HCN2: variants seen among roughly 807,000 people sequenced by gnomAD.
HCN2 encodes potassium/sodium hyperpolarization-activated cyclic nucleotide-gated channel 2.
In HCN2, 20 loss-of-function variants were observed where a neutral mutation model predicts 52.3. The observed-to-expected ratio is 0.38, with a 90% CI of 0.27 to 0.56. The LOEUF (loss-of-function observed/expected upper bound fraction) is 0.56. Among genes scored for constraint, HCN2 ranks in the 20% least tolerant of loss-of-function variants. HCN2 has a pLI of 0.71. For synonymous variants in HCN2, 694 were observed against 537.0 expected, an observed-to-expected ratio of 1.29 and a Z score of -4.04; for missense variants, 981 against 1,207.7, an observed-to-expected ratio of 0.81 and a Z score of 2.78.
intron 5 of HCN2, among the ~76,000 whole-genome samples, chr19:612,236 A>G (rs1003825268): frequency 6.6e-6 from 1 of 152,110 alleles, no homozygotes; most frequent in Non-Finnish European, 1.5e-5. Context: ...ACCACCACAC[A>G]GAACGAAGCT....
chr19:603,826 C>T lies in HCN2; in HGVS notation c.915C>T (p.Phe305=), dbSNP rs56170955. The change falls in exon 2 of 8, where the codon TTC becomes TTT. Residue 305 remains phenylalanine, a synonymous_variant. Coordinates refer to ENST00000251287, the MANE Select transcript of HCN2 (RefSeq NM_001194.4). The stretch of plus-strand genomic sequence containing the variant: ...CCTCCATCCCCGTGGACTACATCTT[C>T]CTTATCGTGGAGAAGGGCATTGACT... ...FVSSIPVDYI[F]LIVEKGIDSE... is the part of the protein sequence containing the mutation. 0.13 allele frequency: 214,270 copies of T among 1,612,374 alleles called. 19,233 individuals are homozygous for T. Among genetic ancestry groups the T allele is most frequent in the South Asian group, 0.37 (33,682 of 91,040 alleles).
rs539670925 is a variant in HCN2 at position 591,705 on chromosome 19, C to T, written c.632+1128C>T. 6.6e-6 allele frequency among the ~76,000 whole-genome samples: 1 copy of T among 152,238 alleles called. No homozygotes were observed. The highest frequency in any genetic ancestry group is 2.4e-5 in the African/African-American group (1 of 41,562). On this transcript the variant is annotated intron_variant, in intron 1 of 7. Coordinates refer to ENST00000251287, the MANE Select transcript of HCN2 (RefSeq NM_001194.4). The surrounding 1 kb of genome is among the most constrained non-coding windows in gnomAD (Gnocchi z 4.1). ...CGGACAGCGCGCCGGACCTGGGAAG[C>T]CTGCGGTTTTCCCGCCTGTCTCTCC...
In HCN2 at chr19:603,469, G is replaced by A. The variant is rs1259645555; in HGVS notation, c.633-75G>A. On this transcript the variant is annotated intron_variant, in intron 1 of 7. Coordinates refer to ENST00000251287, the MANE Select transcript of HCN2 (RefSeq NM_001194.4). ...GTGTGGGCGCCCCTCGTCCCCCAAG[G>A]AAGAGTGCCCGGGGCTGGTCCCGCA... 8.9e-6 allele frequency: 11 copies of A among 1,239,480 alleles called. No homozygotes were observed. In the Admixed American group the frequency reaches 2.4e-4, roughly 27 times the overall value. 76.8% of individuals were successfully genotyped at this position (1,239,480 alleles called of 1,614,324 possible). A position where few individuals can be genotyped will look rare whatever the true frequency, so the allele number is the denominator to read the frequency against.
At chr19:610,170 G>C (rs1457519761) in intron 4 of HCN2, 89 bp from the exon 5 acceptor site, 4 of 1,490,396 alleles carry the variant, frequency 2.7e-6, no homozygotes, top group Non-Finnish European at 3.7e-6. Context: ...GTCTGACCCA[G>C]CCTCGCCTCC....
chr19:606,546 C>T (rs894070504), intron 3 of HCN2, among the ~76,000 whole-genome samples: 3 of 151,792 alleles, frequency 2.0e-5, no homozygotes, highest in East Asian at 1.9e-4. Context: ...AAAGTGGTAT[C>T]ACCATGCCAA....
chr19:609,686 A>G (rs1983541713), intron 4 of HCN2, among the ~76,000 whole-genome samples: 1 of 152,182 alleles, frequency 6.6e-6, no homozygotes, highest in African/African-American at 2.4e-5. Context: ...GGATCCCTTG[A>G]GCCCAGGAGT....
Position 610,249 on chromosome 19 carries a change from C to T in HCN2, c.1438-10C>T, listed in dbSNP as rs768182619. 27 of 1,612,858 alleles carry T rather than the reference C, an allele frequency of 1.7e-5. 1 individual carries two copies. The highest frequency in any genetic ancestry group is 3.4e-4 in the Middle Eastern group (2 of 5,866). ...GCGGTGTCTGACCCAGCCTCGCCTC[C>T]TCCCCACAGTACAAGCAGGTGGAGC... On this transcript the variant is annotated splice_polypyrimidine_tract_variant and intron_variant, in intron 4 of 7. Transcript: ENST00000251287.
chr19:596,503 G>C (rs1360630587), intron 1 of HCN2, among the ~76,000 whole-genome samples: 5 of 152,248 alleles, frequency 3.3e-5, no homozygotes, highest in African/African-American at 9.6e-5. Flanking sequence ...AAAGTGGCAG[G>C]ACCCCCGCGT....
intron 3 of HCN2, 68 bp downstream of exon 3, chr19:605,290 CT>C: frequency 6.8e-7 from 1 of 1,468,948 alleles, no homozygotes; most frequent in South Asian, 1.2e-5. Context: ...CCCAGGCCCC[CT>C]TATCCCGCTT....
Position 590,199 on chromosome 19 carries a change from C to A in HCN2, c.254C>A (p.Pro85His). 1 of 983,074 alleles carries A rather than the reference C, an allele frequency of 1.0e-6. No homozygotes were observed. Among genetic ancestry groups the A allele is most frequent in the Non-Finnish European group, 1.2e-6 (1 of 830,488 alleles). The allele number at this position is 983,074 out of a possible 1,614,324, so 60.9% of individuals were successfully genotyped here. Residue 85 changes from proline to histidine, a missense_variant, in exon 1 of 8, where the codon CCC (proline) becomes CAC (histidine). Pro to His is a moderately conservative substitution (Grantham distance 77, BLOSUM62 -2). Transcript: ENST00000251287. The surrounding 1 kb of genome is among the most constrained non-coding windows in gnomAD (Gnocchi z 7.2). ...LRSRDSSCGR[P>H]GTPGAASTAK... is the part of the protein sequence containing the mutation. ...AGCCGCGACAGCTCGTGCGGCCGCC[C>A]CGGCACCCCGGGCGCGGCGAGCACG... is the stretch of plus-strand genomic sequence containing the variant.
chr19:605,238 C>T lies in HCN2; in HGVS notation c.1218+16C>T, dbSNP rs1026318659. 2 of 1,608,542 alleles carry T rather than the reference C, an allele frequency of 1.2e-6. 1 individual carries two copies. The highest frequency in any genetic ancestry group is 2.2e-5 in the South Asian group (2 of 90,922). On this transcript the variant is annotated intron_variant, in intron 3 of 7. Coordinates refer to ENST00000251287, the MANE Select transcript of HCN2 (RefSeq NM_001194.4). ...TGGCATGGTGGTGAGCGCCGCGGGCCCTGACGGAGGGGGAGACGCAGGCTC... is the reference window on the plus strand; with the variant it reads ...TGGCATGGTGGTGAGCGCCGCGGGCTCTGACGGAGGGGGAGACGCAGGCTC...
At chr19:615,594 C>G (rs1983864328) in intron 7 of HCN2, among the ~76,000 whole-genome samples, 2 of 152,222 alleles carry the variant, frequency 1.3e-5, no homozygotes, top group South Asian at 4.1e-4. Flanking sequence ...GGTGCTCAGC[C>G]TGTATATGGC....
intron 1 of HCN2, among the ~76,000 whole-genome samples, chr19:600,943 C>T (rs1453091350): frequency 6.6e-6 from 1 of 152,200 alleles, no homozygotes. Context: ...CACTTCTCAC[C>T]CCTCCAACCC....
chr19:607,824 C>T (rs1983471873), intron 3 of HCN2, 140 bp from the exon 4 acceptor site: 2 of 636,250 alleles, frequency 3.1e-6, no homozygotes, highest in East Asian at 2.7e-5. Flanking sequence ...CCTGGGTCTC[C>T]ATTTCTCTTG....
chr19:609,792 T>G (rs1568366375), intron 4 of HCN2, among the ~76,000 whole-genome samples: 1 of 152,098 alleles, frequency 6.6e-6, no homozygotes, highest in Non-Finnish European at 1.5e-5. Flanking sequence ...TCCCTGCTAC[T>G]CAGGAGGCTG....
chr19:617,111 T>TA lies in HCN2; in HGVS notation c.*639dup, dbSNP rs1984004205. Reference sequence around the variant, plus strand: ...CCCACCGTGGCCCCCCACGCCCCATTAACCCCCACACCCCCATTCCGCGCA... The same window carrying TA: ...CCCACCGTGGCCCCCCACGCCCCATTAAACCCCCACACCCCCATTCCGCGCA... On this transcript the variant is annotated 3_prime_UTR_variant, in exon 8 of 8. Coordinates refer to ENST00000251287, the MANE Select transcript of HCN2 (RefSeq NM_001194.4). 1 of 388,716 alleles carries TA rather than the reference T, an allele frequency of 2.6e-6. No homozygotes were observed. The highest frequency in any genetic ancestry group is 4.9e-6 in the Non-Finnish European group (1 of 202,418). 24.1% of individuals were successfully genotyped at this position (388,716 alleles called of 1,614,324 possible).
intron 2 of HCN2, among the ~76,000 whole-genome samples, chr19:604,853 G>A (rs1335812571): frequency 3.0e-4 from 11 of 36,376 alleles, no homozygotes; most frequent in African/African-American, 1.7e-3. Flanking sequence ...AGGCTGTAGA[G>A]GTGGGCGGGG....
chr19:598,271 G>A (rs550740045), intron 1 of HCN2, among the ~76,000 whole-genome samples: 14 of 152,042 alleles, frequency 9.2e-5, no homozygotes, highest in African/African-American at 3.4e-4. Context: ...CACCCTTCAA[G>A]CTTGTGAGGG....
Position 592,082 on chromosome 19 carries a change from G to C in HCN2, c.632+1505G>C, listed in dbSNP as rs1982890514. Among the ~76,000 whole-genome samples, 1 of 152,204 alleles carries C rather than the reference G, an allele frequency of 6.6e-6. No individual in the cohort carries two copies. Among genetic ancestry groups the C allele is most frequent in the Admixed American group, 6.5e-5 (1 of 15,292 alleles). On this transcript the variant is annotated intron_variant, in intron 1 of 7. Coordinates refer to ENST00000251287, the MANE Select transcript of HCN2 (RefSeq NM_001194.4). This position sits in a 1 kb window ranked among gnomAD's most constrained non-coding sequence, Gnocchi z 4.8. ...AGAGCTTGGTCAGCATCTGGGCTCT[G>C]GCCTGCGAAATGTGGACAGTGAGCG...
Sources: allele counts gnomAD v4.1 joint callset (sites outside exome capture counted in the v4.1 genomes callset), GRCh38; gene constraint gnomAD v4.1.1; non-coding constraint Gnocchi (gnomAD v3.1); transcripts MANE v1.5; gene names NCBI Gene and HGNC (gene_info 2026-07-23, HGNC 2026-07-21).